The following TAFA1 variants were observed in gnomAD, a reference collection of about 807,000 sequenced individuals.
TAFA1 encodes the protein TAFA chemokine like family member 1.
A neutral mutation model predicts 18.5 loss-of-function variants in TAFA1; 4 were observed. The observed-to-expected ratio is 0.22, with a 90% CI of 0.11 to 0.49. The LOEUF is 0.49. TAFA1 is among the 20% of genes least tolerant of loss of function. The pLI, the probability that TAFA1 is intolerant of heterozygous loss-of-function variation, is 0.98. For synonymous variants in TAFA1, 56 were observed against 55.2 expected (o/e 1.01, Z -0.06); for missense variants, 147 against 169.0 (o/e 0.87, Z 0.72).
At chr3:68,011,044 T>C (rs1038132762) in intron 2 of TAFA1, among the ~76,000 whole-genome samples, 2 of 151,536 alleles carry the variant, frequency 1.3e-5, no homozygotes, top group African/African-American at 4.9e-5. Context: ...CATAATTTTC[T>C]GTTTTAGGAT....
At chr3:68,247,416 T>A (rs1315226043) in intron 2 of TAFA1, 1 of 152,230 alleles carries the variant, frequency 6.6e-6, no homozygotes, top group Admixed American at 6.5e-5. Context: ...CCAGCAGACC[T>A]GCTCAAGTGG....
At chr3:68,519,465 ACC>A (rs1463762527) in intron 3 of TAFA1, among the ~76,000 whole-genome samples, 1 of 152,214 alleles carries the variant, frequency 6.6e-6, no homozygotes, top group African/African-American at 2.4e-5. Flanking sequence ...GTTAATGATT[ACC>A]TCATAGTTTT....
intron 2 of TAFA1, among the ~76,000 whole-genome samples, chr3:68,035,621 G>T (rs1023265162): frequency 6.6e-6 from 1 of 152,128 alleles, no homozygotes; most frequent in Non-Finnish European, 1.5e-5. Context: ...CAGAAAACTG[G>T]AAGTTTCTTA....
chr3:68,331,965 G>A lies in TAFA1; in HGVS notation c.119-85315G>A, dbSNP rs1047403661. ...TGCAAGCTCTGCCTCCCGGGTTCAC[G>A]CCATTCTCCTGCCTCAGCCTCCCGA... On this transcript the variant is annotated intron_variant, in intron 2 of 4. Coordinates refer to ENST00000478136, the MANE Select transcript of TAFA1 (RefSeq NM_213609.4). 5.0e-5 allele frequency among the ~76,000 whole-genome samples: 7 copies of A among 138,684 alleles called. No individual in the cohort carries two copies. The South Asian group carries it at 9.5e-4, about 19-fold the overall frequency. 91.0% of individuals were successfully genotyped at this position (138,684 alleles called of 152,430 possible).
intron 2 of TAFA1, among the ~76,000 whole-genome samples, chr3:68,116,971 C>G (rs2065332006): frequency 1.3e-5 from 2 of 152,216 alleles, no homozygotes; most frequent in South Asian, 4.1e-4. Context: ...CTGTCTGCCC[C>G]TTTACAGAAA....
intron 3 of TAFA1, among the ~76,000 whole-genome samples, chr3:68,463,845 C>T (rs927247888): frequency 2.6e-5 from 4 of 152,108 alleles, no homozygotes; most frequent in Admixed American, 6.6e-5. Flanking sequence ...CAGGCAATTA[C>T]ATAGCCTCCT....
intron 3 of TAFA1, among the ~76,000 whole-genome samples, chr3:68,538,281 T>C (rs1042947827): frequency 6.6e-6 from 1 of 152,242 alleles, no homozygotes; most frequent in African/African-American, 2.4e-5. Flanking sequence ...ACTACTTCTA[T>C]ATCTTAAGAG....
chr3:68,499,369 G>A (rs1386110789), intron 3 of TAFA1, among the ~76,000 whole-genome samples: 2 of 151,088 alleles, frequency 1.3e-5, no homozygotes, highest in Non-Finnish European at 3.0e-5. Context: ...TAGTAGAGAG[G>A]GTATTTTTGC....
chr3:68,159,405 A>G (rs1431596930), intron 2 of TAFA1, among the ~76,000 whole-genome samples: 1 of 152,234 alleles, frequency 6.6e-6, no homozygotes, highest in Non-Finnish European at 1.5e-5. Flanking sequence ...TTTGAGAGGC[A>G]AAACATGCCA....
Position 68,426,382 on chromosome 3 carries a change from A to G in TAFA1, c.259+8962A>G, listed in dbSNP as rs182762710. 6.0e-4 allele frequency among the ~76,000 whole-genome samples: 91 copies of G among 152,018 alleles called. 1 individual carries two copies. Among genetic ancestry groups the G allele is most frequent in the African/African-American group, 2.0e-3 (85 of 41,538 alleles). On this transcript the variant is annotated intron_variant, in intron 3 of 4. Transcript: ENST00000478136. ...TTTGGGTACATGCAGGCCTACAGGT[A>G]TAGACATATAAAACTTTATAAATAA... is the stretch of plus-strand genomic sequence containing the variant.
At chr3:68,162,796 G>A (rs189154935) in intron 2 of TAFA1, among the ~76,000 whole-genome samples, 4 of 152,294 alleles carry the variant, frequency 2.6e-5, no homozygotes, top group Admixed American at 2.6e-4. Flanking sequence ...TTGCCTCTCT[G>A]ATTATGTTAT....
rs973874845 is a variant in TAFA1 at position 68,415,556 on chromosome 3, A to G, written c.119-1724A>G. Among the ~76,000 whole-genome samples the G allele has an allele frequency of 1.2e-4, 19 of 152,256 alleles. No homozygotes were observed. The South Asian group carries it at 3.5e-3, about 28-fold the overall frequency. On this transcript the variant is annotated intron_variant, in intron 2 of 4. Transcript: ENST00000478136. ...AAGAAACCATATTTTCAATCCCTCT[A>G]AGACAGAAAATATGTTATTTATATC...
At chr3:68,530,513 G>T (rs2073173885) in intron 3 of TAFA1, among the ~76,000 whole-genome samples, 1 of 152,258 alleles carries the variant, frequency 6.6e-6, no homozygotes, top group East Asian at 1.9e-4. Context: ...TCCTAAGCAT[G>T]GCAAATTCAC....
intron 2 of TAFA1, among the ~76,000 whole-genome samples, chr3:68,235,279 T>G (rs1399562219): frequency 6.6e-6 from 1 of 152,184 alleles, no homozygotes; most frequent in African/African-American, 2.4e-5. Flanking sequence ...TCTCACACAT[T>G]GGTTATGAAA....
chr3:68,292,423 A>G (rs868366254), intron 2 of TAFA1, among the ~76,000 whole-genome samples: 1 of 114,190 alleles, frequency 8.8e-6, no homozygotes, highest in Non-Finnish European at 1.9e-5. Flanking sequence ...AAAAAAAAAA[A>G]CAAAAAAAAA....
intron 2 of TAFA1, among the ~76,000 whole-genome samples, chr3:68,179,754 G>A (rs2066172175): frequency 6.6e-6 from 1 of 151,936 alleles, no homozygotes; most frequent in African/African-American, 2.4e-5. Context: ...TAAATGAATT[G>A]GATAATAGAT....
chr3:68,527,319 T>C lies in TAFA1; in HGVS notation c.260-11437T>C, dbSNP rs6777840. 9.1e-3 allele frequency among the ~76,000 whole-genome samples: 1,382 copies of C among 152,256 alleles called. 25 individuals carry two copies. The highest frequency in any genetic ancestry group is 0.032 in the African/African-American group (1,329 of 41,566). On this transcript the variant is annotated intron_variant, in intron 3 of 4. Coordinates refer to ENST00000478136, the MANE Select transcript of TAFA1 (RefSeq NM_213609.4). ...GCTTCCTTGAGTTGCAAAAGGTCTCTGAAAATTCCTTGTCACCAGAGCATA... is the reference window on the plus strand; with the variant it reads ...GCTTCCTTGAGTTGCAAAAGGTCTCCGAAAATTCCTTGTCACCAGAGCATA...
chr3:68,386,108 C>T (rs1342054277), intron 2 of TAFA1, among the ~76,000 whole-genome samples: 2 of 152,244 alleles, frequency 1.3e-5, no homozygotes. Flanking sequence ...ACTTTGCTGA[C>T]TTGCTATGAA....
intron 2 of TAFA1, among the ~76,000 whole-genome samples, chr3:68,147,537 C>G (rs1331425817): frequency 4.6e-5 from 7 of 152,078 alleles, no homozygotes; most frequent in Admixed American, 3.9e-4. Flanking sequence ...CCTCTCCTGT[C>G]TCCTCTAGTG....
Sources: allele counts gnomAD v4.1 joint callset (sites outside exome capture counted in the v4.1 genomes callset), GRCh38; gene constraint gnomAD v4.1.1; transcripts MANE v1.5; gene names NCBI Gene and HGNC (gene_info 2026-07-23, HGNC 2026-07-21).